Variants in RALGAPA2 observed in about 807,000 individuals in gnomAD.
RALGAPA2 encodes Ral GTPase activating protein catalytic subunit alpha 2.
Under a neutral mutation model 230.4 loss-of-function variants are expected in RALGAPA2, and 139 were observed. The observed-to-expected ratio is 0.60, with a 90% CI of 0.53 to 0.69. The LOEUF is 0.69. Among genes scored for constraint, RALGAPA2 ranks in the 30% least tolerant of loss-of-function variants. The pLI, the probability that RALGAPA2 is intolerant of heterozygous loss-of-function variation, is 0.00. For synonymous variants in RALGAPA2, 847 were observed against 837.8 expected, an observed-to-expected ratio of 1.01 and a Z score of -0.19; for missense variants, 2,163 against 2,276.0, an observed-to-expected ratio of 0.95 and a Z score of 1.01.
chr20:20,611,815 G>GT (rs1265826792), intron 13 of RALGAPA2, among the ~76,000 whole-genome samples: 3 of 152,214 alleles, frequency 2.0e-5, no homozygotes, highest in Non-Finnish European at 2.9e-5. Flanking sequence ...TACTTAACCT[G>GT]TAAGGTCTCC....
At chr20:20,509,058 T>G (rs2062621729) in intron 33 of RALGAPA2, among the ~76,000 whole-genome samples, 1 of 152,230 alleles carries the variant, frequency 6.6e-6, no homozygotes, top group South Asian at 2.1e-4. Context: ...CCTGGAATAA[T>G]TCAGCATACG....
chr20:20,575,736 G>A (rs1472272423), intron 20 of RALGAPA2, among the ~76,000 whole-genome samples: 1 of 152,030 alleles, frequency 6.6e-6, no homozygotes, highest in African/African-American at 2.4e-5. Flanking sequence ...TTGTTTCTTG[G>A]CTTCCCCTAT....
intron 13 of RALGAPA2, 117 bp from the exon 14 acceptor site, chr20:20,611,543 A>G: frequency 7.0e-7 from 1 of 1,429,006 alleles, no homozygotes; most frequent in African/African-American, 1.4e-5. Context: ...GTATTACTCG[A>G]AACTATTAAA....
rs775047096 is a variant in RALGAPA2, at chr20:20,391,980, C to T, written c.*1309G>A. ...GACTCTGGTAAGCTTCTTGGATTTA[C>T]TTCCCAAGTGAAGTGCGGGGTGGAG... On this transcript the variant is annotated 3_prime_UTR_variant, in exon 40 of 40. Transcript: ENST00000202677. 1 of 152,474 alleles carries T rather than the reference C, an allele frequency of 6.6e-6. No individual in the cohort carries two copies. The highest frequency in any genetic ancestry group is 2.4e-5 in the African/African-American group (1 of 41,476). 9.4% of individuals were successfully genotyped at this position (152,474 alleles called of 1,614,324 possible).
intron 3 of RALGAPA2, among the ~76,000 whole-genome samples, chr20:20,670,689 T>G (rs2068102556): frequency 6.6e-6 from 1 of 150,896 alleles, no homozygotes; most frequent in Non-Finnish European, 1.5e-5. Flanking sequence ...GGCTCATGCC[T>G]GTAATCCCAG....
In RALGAPA2 at chr20:20,392,666, ACTT is replaced by A. The variant is rs1490793796; in HGVS notation, c.*620_*622del. The A allele has an allele frequency of 1.2e-5, 2 of 163,136 alleles. No homozygotes were observed. The highest frequency in any genetic ancestry group is 2.7e-5 in the Non-Finnish European group (2 of 74,044). The allele number at this position is 163,136 out of a possible 1,614,324, so 10.1% of individuals were successfully genotyped here. ...GAAAACACTGGACAACTGAGGTAAA[ACTT>A]CTCCTGGGCAAAAGACCCCGGGGAA... is the stretch of plus-strand genomic sequence containing the variant. On this transcript the variant is annotated 3_prime_UTR_variant, in exon 40 of 40. Coordinates refer to ENST00000202677, the MANE Select transcript of RALGAPA2 (RefSeq NM_020343.4).
chr20:20,597,749 G>A (rs2065502813), intron 16 of RALGAPA2, among the ~76,000 whole-genome samples: 1 of 152,086 alleles, frequency 6.6e-6, no homozygotes, highest in Non-Finnish European at 1.5e-5. Context: ...TGAGGCAGGA[G>A]AACTGCTTGA....
intron 10 of RALGAPA2, among the ~76,000 whole-genome samples, chr20:20,627,127 C>T (rs1277821553): frequency 6.6e-6 from 1 of 151,926 alleles, no homozygotes; most frequent in Non-Finnish European, 1.5e-5. Context: ...TGCAGTACTA[C>T]CTAGAAAGGG....
Position 20,396,739 on chromosome 20 carries a change from A to G in RALGAPA2, c.5618-5T>C, listed in dbSNP as rs73288516. ...GAGACCTTTACGTGTTTTAATCTGA[A>G]GGGAAAGAACACAAAATGGAATGAA... On this transcript the variant is annotated splice_polypyrimidine_tract_variant and splice_region_variant and intron_variant, in intron 38 of 39. Transcript: ENST00000202677. 1.0e-3 allele frequency: 1,668 copies of G among 1,603,444 alleles called. 16 individuals are homozygous for G. The African/African-American group carries it at 0.02, about 19-fold the overall frequency.
At chr20:20,578,192 A>G (rs889706642) in intron 20 of RALGAPA2, among the ~76,000 whole-genome samples, 5 of 152,122 alleles carry the variant, frequency 3.3e-5, no homozygotes, top group Non-Finnish European at 7.3e-5. Context: ...AATGTTAATG[A>G]GTTGAAATGT....
intron 3 of RALGAPA2, among the ~76,000 whole-genome samples, chr20:20,666,765 T>C (rs1230927382): frequency 1.3e-5 from 2 of 152,234 alleles, no homozygotes; most frequent in East Asian, 1.9e-4. Flanking sequence ...CTTAATCCTG[T>C]AGGACACCGA....
chr20:20,696,629 TCCTCCACC>T (rs2069121665), intron 1 of RALGAPA2, among the ~76,000 whole-genome samples: 2 of 151,660 alleles, frequency 1.3e-5, no homozygotes, highest in South Asian at 2.1e-4. Context: ...GTTCCTTCTA[TCCTCCACC>T]CCTCCACCCC....
chr20:20,700,289 G>A (rs998976028), intron 1 of RALGAPA2, among the ~76,000 whole-genome samples: 9 of 151,964 alleles, frequency 5.9e-5, no homozygotes, highest in East Asian at 1.9e-4. Context: ...AAGAGACACC[G>A]TACACTACCT....
rs1427180347 is a variant in RALGAPA2, at chr20:20,512,639, C to T, written c.4730G>A (p.Ser1577Asn). The change falls in exon 32 of 40, where the codon AGT (serine) becomes AAT (asparagine). Residue 1577 changes from serine to asparagine, a missense_variant. Ser to Asn is a conservative substitution (Grantham distance 46). Coordinates refer to ENST00000202677, the MANE Select transcript of RALGAPA2 (RefSeq NM_020343.4). ...QNAQEDEYIQSHNFDSAMKVT... is the reference protein window; with the variant it reads ...QNAQEDEYIQNHNFDSAMKVT... ...TTTCATTGCAGAATCGAAGTTATGA[C>T]TCTGGATATACTCATCCTCTTGAGC... 5 of 1,613,832 alleles carry T rather than the reference C, an allele frequency of 3.1e-6. No individual in the cohort carries two copies. Among genetic ancestry groups the T allele is most frequent in the South Asian group, 1.1e-5 (1 of 91,078 alleles).
At chr20:20,580,171 G>A (rs1948352890) in intron 20 of RALGAPA2, among the ~76,000 whole-genome samples, 1 of 152,130 alleles carries the variant, frequency 6.6e-6, no homozygotes, top group South Asian at 2.1e-4. Flanking sequence ...ACTCATAAAT[G>A]TCCCCCTCCC....
intron 7 of RALGAPA2, among the ~76,000 whole-genome samples, chr20:20,638,157 G>C (rs2066920829): frequency 6.6e-6 from 1 of 152,224 alleles, no homozygotes; most frequent in Non-Finnish European, 1.5e-5. Context: ...CTCAATAGCT[G>C]GGACCGCCCC....
At chr20:20,405,907 C>G (rs193165524) in intron 38 of RALGAPA2, among the ~76,000 whole-genome samples, 2 of 152,342 alleles carry the variant, frequency 1.3e-5, no homozygotes, top group East Asian at 3.9e-4. Context: ...AAAGCAACAG[C>G]CTGATTCCTT....
chr20:20,619,240 C>T (rs377219415), intron 12 of RALGAPA2, 37 bp downstream of exon 12: 35 of 1,543,178 alleles, frequency 2.3e-5, no homozygotes, highest in African/African-American at 5.4e-5. Flanking sequence ...CAGCTGTAGG[C>T]GGTGGAGGGG....
chr20:20,427,877 C>T (rs1395700472), intron 37 of RALGAPA2, among the ~76,000 whole-genome samples: 1 of 151,824 alleles, frequency 6.6e-6, no homozygotes, highest in African/African-American at 2.4e-5. Flanking sequence ...CTGAATCTGA[C>T]ATTTGAACAA....
Sources: allele counts gnomAD v4.1 joint callset (sites outside exome capture counted in the v4.1 genomes callset), GRCh38; gene constraint gnomAD v4.1.1; transcripts MANE v1.5; gene names NCBI Gene and HGNC (gene_info 2026-07-23, HGNC 2026-07-21).